CNTNAP2: variants seen among roughly 807,000 people sequenced by gnomAD.
CNTNAP2 encodes the protein contactin associated protein 2, also known as contactin-associated protein-like 2.
CNTNAP2 carries 98 observed loss-of-function variants against 155.2 expected under a neutral mutation model. The observed-to-expected ratio is 0.63, with a 90% CI of 0.54 to 0.75. The LOEUF (loss-of-function observed/expected upper bound fraction) is 0.75. CNTNAP2 is among the 30% of genes least tolerant of loss of function. The pLI, the probability that CNTNAP2 is intolerant of heterozygous loss-of-function variation, is 0.00. For missense variants in CNTNAP2, 1,727 were observed against 1,688.1 expected, an observed-to-expected ratio of 1.02 and a Z score of -0.40; for synonymous variants, 651 against 631.2, an observed-to-expected ratio of 1.03 and a Z score of -0.47.
intron 1 of CNTNAP2, among the ~76,000 whole-genome samples, chr7:146,606,055 G>A (rs1306734968): frequency 1.3e-5 from 2 of 152,102 alleles, no homozygotes; most frequent in African/African-American, 2.4e-5. Flanking sequence ...TAATATGTAT[G>A]TATACATTTT....
chr7:147,432,791 C>T (rs1797486984), intron 10 of CNTNAP2, among the ~76,000 whole-genome samples: 1 of 152,186 alleles, frequency 6.6e-6, no homozygotes, highest in South Asian at 2.1e-4. Flanking sequence ...GCAAACACAG[C>T]CCAGACATCA....
At chr7:147,673,874 TAAAAAATAATTTTCA>T (rs1795827149) in intron 13 of CNTNAP2, among the ~76,000 whole-genome samples, 1 of 152,172 alleles carries the variant, frequency 6.6e-6, no homozygotes, top group Non-Finnish European at 1.5e-5. Context: ...TCTTTCAAAT[TAAAAAATAATTTTCA>T]ATACATGTTA....
At chr7:146,722,042 C>T (rs1336730401) in intron 1 of CNTNAP2, among the ~76,000 whole-genome samples, 2 of 150,356 alleles carry the variant, frequency 1.3e-5, no homozygotes, top group Admixed American at 6.6e-5. Context: ...TGCCGGCTAC[C>T]ATGCCTGGCT....
chr7:147,084,628 G>A (rs1433454081), intron 4 of CNTNAP2, among the ~76,000 whole-genome samples: 2 of 144,730 alleles, frequency 1.4e-5, no homozygotes, highest in African/African-American at 5.1e-5. Context: ...ATGTATATAT[G>A]TATATACATG....
intron 1 of CNTNAP2, among the ~76,000 whole-genome samples, chr7:146,703,916 CTTT>C (rs1191257663): frequency 2.0e-5 from 3 of 151,974 alleles, no homozygotes; most frequent in Admixed American, 1.3e-4. Flanking sequence ...TCCAAGTCTT[CTTT>C]ATTTTAATTT....
At chr7:147,387,389 A>G (rs575534106) in intron 9 of CNTNAP2, among the ~76,000 whole-genome samples, 7 of 152,274 alleles carry the variant, frequency 4.6e-5, no homozygotes, top group Middle Eastern at 6.8e-3. Context: ...TTGATGTTAT[A>G]CCCAGCCTTG....
intron 12 of CNTNAP2, among the ~76,000 whole-genome samples, chr7:147,607,746 C>T (rs57535579): frequency 9.2e-5 from 14 of 152,250 alleles, no homozygotes; most frequent in African/African-American, 2.6e-4. Flanking sequence ...TTTCAGGTAA[C>T]GGTGTCAGAA....
Position 146,902,098 on chromosome 7 carries a change from A to T in CNTNAP2, c.402+62194A>T, listed in dbSNP as rs199982185. ...ACGGGGTTTCACCGTGTTAGCCAGG[A>T]TGGTGTCGATCTCCTAAACTCGTGA... is the stretch of plus-strand genomic sequence containing the variant. On this transcript the variant is annotated intron_variant, in intron 3 of 23. Transcript: ENST00000361727. 1.7e-4 allele frequency among the ~76,000 whole-genome samples: 26 copies of T among 151,682 alleles called. No individual in the cohort carries two copies. The East Asian group carries it at 2.9e-3, about 17-fold the overall frequency.
At chr7:147,017,510 A>C (rs1418169593) in intron 3 of CNTNAP2, among the ~76,000 whole-genome samples, 2 of 152,038 alleles carry the variant, frequency 1.3e-5, no homozygotes, top group Non-Finnish European at 2.9e-5. Context: ...AAAGTATCTC[A>C]AGTAAAATTT....
chr7:148,172,079 G>A (rs1006255686), intron 17 of CNTNAP2, among the ~76,000 whole-genome samples, 163 bp from the exon 18 acceptor site: 2 of 152,206 alleles, frequency 1.3e-5, no homozygotes, highest in Non-Finnish European at 2.9e-5. Context: ...AGCCTGCAGG[G>A]AGAAAAGCTT....
intron 3 of CNTNAP2, among the ~76,000 whole-genome samples, chr7:146,965,425 T>C (rs1215804046): frequency 6.6e-6 from 1 of 152,066 alleles, no homozygotes. Context: ...TTTTCTTACT[T>C]CAAATCCCTC....
intron 2 of CNTNAP2, among the ~76,000 whole-genome samples, chr7:146,835,764 T>G (rs551735660): frequency 3.3e-5 from 5 of 152,158 alleles, no homozygotes; most frequent in African/African-American, 1.2e-4. Flanking sequence ...AGGAGTGTTT[T>G]GGGGATGAAA....
At chr7:147,889,049 T>C (rs1044570781) in intron 13 of CNTNAP2, among the ~76,000 whole-genome samples, 2 of 152,170 alleles carry the variant, frequency 1.3e-5, no homozygotes, top group African/African-American at 4.8e-5. Flanking sequence ...AATTGCTGTA[T>C]TGTTTAGGAA....
chr7:147,840,977 A>G (rs2116651381), intron 13 of CNTNAP2, among the ~76,000 whole-genome samples: 1 of 152,332 alleles, frequency 6.6e-6, no homozygotes, highest in South Asian at 2.1e-4. Context: ...TCATGATGTA[A>G]TAAATAAAAA....
chr7:146,975,572 CG>C (rs1330190368), intron 3 of CNTNAP2, among the ~76,000 whole-genome samples: 5 of 152,094 alleles, frequency 3.3e-5, no homozygotes, highest in Non-Finnish European at 7.4e-5. Context: ...ATAGTCAGTT[CG>C]GGATTGTAAT....
intron 20 of CNTNAP2, among the ~76,000 whole-genome samples, chr7:148,230,787 C>T (rs1206529943): frequency 6.6e-6 from 1 of 152,126 alleles, no homozygotes; most frequent in Non-Finnish European, 1.5e-5. Context: ...GCTTACTGCG[C>T]CATCAATCAA....
rs559333232 is a variant in CNTNAP2 at position 146,204,633 on chromosome 7, C to G, written c.97+87660C>G. The stretch of plus-strand genomic sequence containing the variant: ...TTTGTTGGTGGTGGTTTAATGTGGT[C>G]GTGGATCATATAGTAAATACTTTTC... On this transcript the variant is annotated intron_variant, in intron 1 of 23. Coordinates refer to ENST00000361727, the MANE Select transcript of CNTNAP2 (RefSeq NM_014141.6). Among the ~76,000 whole-genome samples the G allele has an allele frequency of 1.1e-3, 165 of 151,974 alleles. 2 individuals are homozygous for G. Among genetic ancestry groups the G allele is most frequent in the African/African-American group, 3.8e-3 (159 of 41,460 alleles).
chr7:146,660,137 A>G (rs1289728171), intron 1 of CNTNAP2, among the ~76,000 whole-genome samples: 1 of 152,234 alleles, frequency 6.6e-6, no homozygotes, highest in Non-Finnish European at 1.5e-5. Context: ...GAATGGTAAT[A>G]AGGGAGGGCA....
chr7:147,333,349 A>T (rs1006133339), intron 9 of CNTNAP2, among the ~76,000 whole-genome samples: 3 of 152,198 alleles, frequency 2.0e-5, no homozygotes, highest in Non-Finnish European at 4.4e-5. Flanking sequence ...ATCCATGGTA[A>T]GGCTAAATGA....
Sources: gnomAD v4.1 joint callset for allele counts (sites outside exome capture counted in the v4.1 genomes callset) on GRCh38, gnomAD v4.1.1 for gene constraint, MANE v1.5 for transcripts, NCBI Gene and HGNC (gene_info 2026-07-23, HGNC 2026-07-21) for gene names.